Variants in LMX1B observed in about 807,000 individuals in gnomAD.
The protein encoded by LMX1B is LIM homeobox transcription factor 1 beta, also known as LIM homeobox transcription factor 1-beta.
In LMX1B, 12 loss-of-function variants were observed where a neutral mutation model predicts 51.4. That is an observed-to-expected ratio of 0.23 (90% CI 0.15 to 0.38). The LOEUF is 0.38. LMX1B is among the 10% of genes least tolerant of loss of function. The pLI is 1.00. For synonymous variants in LMX1B, 237 were observed against 235.4 expected, an observed-to-expected ratio of 1.01 and a Z score of -0.06; for missense variants, 445 against 571.1, an observed-to-expected ratio of 0.78 and a Z score of 2.25.
chr9:126,653,083 C>G (rs976009805), intron 2 of LMX1B, among the ~76,000 whole-genome samples: 7 of 151,324 alleles, frequency 4.6e-5, no homozygotes, highest in Admixed American at 2.0e-4. Flanking sequence ...TAAAACACAT[C>G]CCCCCATCCC....
At position 126,695,043 on chromosome 9, in the gene LMX1B, C is replaced by T. The variant is rs936983264; in HGVS notation, c.887-796C>T. ...CTCTGACCTTCCCCATCCCACACTG[C>T]TGATCCACTGAGGTGCCAAGTTGGG... On this transcript the variant is annotated intron_variant, in intron 6 of 7. Transcript: ENST00000373474. The surrounding 1 kb of genome is among the most constrained non-coding windows in gnomAD (Gnocchi z 5.2). Among the ~76,000 whole-genome samples, 4 of 152,192 alleles carry T rather than the reference C, an allele frequency of 2.6e-5. No individual in the cohort carries two copies. The highest frequency in any genetic ancestry group is 7.2e-5 in the African/African-American group (3 of 41,436).
chr9:126,684,469 G>A (rs1288669242), intron 2 of LMX1B, among the ~76,000 whole-genome samples: 1 of 152,092 alleles, frequency 6.6e-6, no homozygotes, highest in Non-Finnish European at 1.5e-5. Context: ...CAATTACCAG[G>A]GAGGGACAGG....
chr9:126,654,888 C>T (rs1314993418), intron 2 of LMX1B, among the ~76,000 whole-genome samples: 1 of 152,214 alleles, frequency 6.6e-6, no homozygotes, highest in Admixed American at 6.5e-5. Flanking sequence ...CTGGAACTCT[C>T]CCCTTCTCTC....
At chr9:126,664,661 G>A (rs1266482795) in intron 2 of LMX1B, among the ~76,000 whole-genome samples, 3 of 152,220 alleles carry the variant, frequency 2.0e-5, no homozygotes, top group African/African-American at 4.8e-5. Flanking sequence ...AGATCACCAG[G>A]TCAGGAGTGC....
At chr9:126,647,167 A>C (rs1309657375) in intron 2 of LMX1B, among the ~76,000 whole-genome samples, 1 of 152,034 alleles carries the variant, frequency 6.6e-6, no homozygotes, top group Non-Finnish European at 1.5e-5. Flanking sequence ...GCACCTGTGA[A>C]TAGCCACTGC....
chr9:126,660,352 G>C (rs922601631), intron 2 of LMX1B, among the ~76,000 whole-genome samples: 1 of 151,996 alleles, frequency 6.6e-6, no homozygotes, highest in Admixed American at 6.5e-5. Context: ...AGTTTGTCCT[G>C]GTGTGGCCAA....
rs1009143326 is a variant in LMX1B at position 126,696,797 on chromosome 9, C to T, written c.*346C>T. On this transcript the variant is annotated 3_prime_UTR_variant, in exon 8 of 8. Coordinates refer to ENST00000373474, the MANE Select transcript of LMX1B (RefSeq NM_001174147.2). ...AAATTCTCTCTATTTTTTTAAATGTCCTCTCTGTGTCCATGGCCCTCCATG... is the reference window on the plus strand; with the variant it reads ...AAATTCTCTCTATTTTTTTAAATGTTCTCTCTGTGTCCATGGCCCTCCATG... 7.1e-5 allele frequency: 27 copies of T among 382,804 alleles called. No individual in the cohort carries two copies. The highest frequency in any genetic ancestry group is 5.1e-4 in the African/African-American group (25 of 48,618). 23.7% of individuals were successfully genotyped at this position (382,804 alleles called of 1,614,324 possible). A position where few individuals can be genotyped will look rare whatever the true frequency, so the allele number is the denominator to read the frequency against.
chr9:126,681,586 G>A (rs1836672503), intron 2 of LMX1B, among the ~76,000 whole-genome samples: 1 of 152,002 alleles, frequency 6.6e-6, no homozygotes, highest in Admixed American at 6.6e-5. Context: ...CCCCCTACAG[G>A]TGCCTAAGGA....
At chr9:126,661,336 G>A (rs60223147) in intron 2 of LMX1B, among the ~76,000 whole-genome samples, 1,681 of 147,860 alleles carry the variant, frequency 0.011, 32 homozygotes, top group African/African-American at 0.039. Context: ...TCAAGGCCCT[G>A]TTGGCTTCTC....
In LMX1B at chr9:126,677,609, G is replaced by A. The variant is rs1836587433; in HGVS notation, c.327-13227G>A. 6.6e-6 allele frequency among the ~76,000 whole-genome samples: 1 copy of A among 152,186 alleles called. No individual in the cohort carries two copies. The highest frequency in any genetic ancestry group is 1.5e-5 in the Non-Finnish European group (1 of 68,038). On this transcript the variant is annotated intron_variant, in intron 2 of 7. Transcript: ENST00000373474. The surrounding 1 kb of genome is among the most constrained non-coding windows in gnomAD (Gnocchi z 5.0). ...GCATTTCACCAGCCGGGTGACCTGT[G>A]TAAGGAAGAGACTCCTACCTCCGGT...
chr9:126,676,407 C>T (rs943623198), intron 2 of LMX1B, among the ~76,000 whole-genome samples: 2 of 152,164 alleles, frequency 1.3e-5, no homozygotes, highest in African/African-American at 2.4e-5. Context: ...CACCCAGCAC[C>T]GCACCTGGCA....
chr9:126,673,250 A>C lies in LMX1B; in HGVS notation c.327-17586A>C, dbSNP rs1564162791. Among the ~76,000 whole-genome samples, 1 of 152,152 alleles carries C rather than the reference A, an allele frequency of 6.6e-6. No individual in the cohort carries two copies. The highest frequency in any genetic ancestry group is 2.4e-5 in the African/African-American group (1 of 41,462). ...GCCCCAGACACCACAGGGAGCCCCT[A>C]CCTAGGGAAAGGGCATTGAGGGGAC... On this transcript the variant is annotated intron_variant, in intron 2 of 7. Transcript: ENST00000373474. This position sits in a 1 kb window ranked among gnomAD's most constrained non-coding sequence, Gnocchi z 4.4.
At chr9:126,675,776 G>A (rs1036709180) in intron 2 of LMX1B, among the ~76,000 whole-genome samples, 2 of 148,598 alleles carry the variant, frequency 1.3e-5, no homozygotes, top group African/African-American at 2.5e-5. Context: ...TAGGCCGGGC[G>A]CGGTGGCTCA....
chr9:126,686,823 A>G (rs1405544893), intron 2 of LMX1B, among the ~76,000 whole-genome samples: 3 of 152,256 alleles, frequency 2.0e-5, no homozygotes, highest in Non-Finnish European at 4.4e-5. Flanking sequence ...TGGAAACAGC[A>G]TCTTCCTTTG....
rs988694668 is a variant in LMX1B at position 126,677,764 on chromosome 9, G to T, written c.327-13072G>T. On this transcript the variant is annotated intron_variant, in intron 2 of 7. Coordinates refer to ENST00000373474, the MANE Select transcript of LMX1B (RefSeq NM_001174147.2). This position sits in a 1 kb window ranked among gnomAD's most constrained non-coding sequence, Gnocchi z 5.0. ...ATTCACAGCCTGCGTTCAAACATTC[G>T]AGCAGGAGCACAGGGCATGTACTCA... is the stretch of plus-strand genomic sequence containing the variant. Among the ~76,000 whole-genome samples, 1 of 152,120 alleles carries T rather than the reference G, an allele frequency of 6.6e-6. No individual in the cohort carries two copies.
rs1259568642 is a variant in LMX1B at position 126,625,668 on chromosome 9, C to G, written c.326+10099C>G. Among the ~76,000 whole-genome samples, 1 of 152,232 alleles carries G rather than the reference C, an allele frequency of 6.6e-6. No individual in the cohort carries two copies. The highest frequency in any genetic ancestry group is 6.5e-5 in the Admixed American group (1 of 15,290). On this transcript the variant is annotated intron_variant, in intron 2 of 7. Coordinates refer to ENST00000373474, the MANE Select transcript of LMX1B (RefSeq NM_001174147.2). The surrounding 1 kb of genome is among the most constrained non-coding windows in gnomAD (Gnocchi z 5.3). ...TTTGTTCCACCCCCACGGAAACCCT[C>G]TTCTCCGCCAGGCCCGTGGCGCCTT...
chr9:126,655,921 T>C (rs527926407), intron 2 of LMX1B, among the ~76,000 whole-genome samples: 27 of 152,300 alleles, frequency 1.8e-4, no homozygotes, highest in African/African-American at 6.3e-4. Context: ...CAAAAGGGTA[T>C]AGACAGCTTC....
At chr9:126,670,160 C>T (rs971432627) in intron 2 of LMX1B, among the ~76,000 whole-genome samples, 4 of 152,230 alleles carry the variant, frequency 2.6e-5, no homozygotes, top group African/African-American at 9.6e-5. Context: ...GCCCCCAGAG[C>T]AGTCACCTGA....
At position 126,658,092 on chromosome 9, in the gene LMX1B, G is replaced by A. The variant is rs1347315413; in HGVS notation, c.327-32744G>A. On this transcript the variant is annotated intron_variant, in intron 2 of 7. Transcript: ENST00000373474. This position sits in a 1 kb window ranked among gnomAD's most constrained non-coding sequence, Gnocchi z 4.0. ...AGAAGAGGGGCCAAGGGACCTGAGT[G>A]GGAACAACCAAGCCGGAGACTCCTG... Among the ~76,000 whole-genome samples, 1 of 152,080 alleles carries A rather than the reference G, an allele frequency of 6.6e-6. No individual in the cohort carries two copies. The highest frequency in any genetic ancestry group is 1.9e-4 in the East Asian group (1 of 5,180).
Sources: allele counts gnomAD v4.1 joint callset (sites outside exome capture counted in the v4.1 genomes callset), GRCh38; gene constraint gnomAD v4.1.1; non-coding constraint Gnocchi (gnomAD v3.1); transcripts MANE v1.5; gene names NCBI Gene and HGNC (gene_info 2026-07-23, HGNC 2026-07-21).